TBL1Y: variants seen among roughly 807,000 people sequenced by gnomAD.
TBL1Y encodes the protein transducin beta like 1 Y-linked.
TBL1Y carries 15 observed loss-of-function variants against 12.0 expected under a neutral mutation model. The ratio of observed to expected loss-of-function variants is 1.25; its 90% CI spans 0.83 to 1.92. The LOEUF is 1.92. TBL1Y is among the 40% of genes most tolerant of loss of function. The pLI is 0.00. For synonymous variants in TBL1Y, 53 were observed against 42.6 expected, an observed-to-expected ratio of 1.24 and a Z score of -0.95; for missense variants, 148 against 116.7, an observed-to-expected ratio of 1.27 and a Z score of -1.24.
intron 2 of TBL1Y, among the ~76,000 whole-genome samples, chrY:6,948,106 A>G (rs2011996447): frequency 3.0e-5 from 1 of 33,589 alleles, no homozygotes; most frequent in Non-Finnish European, 7.3e-5. Flanking sequence ...TTCACTTACT[A>G]TGAATGCTAA....
chrY:6,991,373 A>G (rs773678308), intron 3 of TBL1Y, among the ~76,000 whole-genome samples: 1 of 33,157 alleles, frequency 3.0e-5, no homozygotes, highest in East Asian at 7.9e-4. Flanking sequence ...CAGTATTGTT[A>G]AGGATGGCCC....
At chrY:6,989,867 C>G in intron 3 of TBL1Y, among the ~76,000 whole-genome samples, 1 of 33,780 alleles carries the variant, frequency 3.0e-5, no homozygotes, top group Non-Finnish European at 7.3e-5. Flanking sequence ...ATGCTTTGGT[C>G]TAATAACTTT....
rs760197010 is a variant in TBL1Y, at chrY:7,033,898, G to A, written c.58+8756G>A. Among the ~76,000 whole-genome samples the A allele has an allele frequency of 7.5e-4, 25 of 33,366 alleles. No homozygotes were observed. In the East Asian group the frequency reaches 0.016, roughly 21 times the overall value. 89.5% of individuals were successfully genotyped at this position (33,366 alleles called of 37,273 possible). A position where few individuals can be genotyped will look rare whatever the true frequency, so the allele number is the denominator to read the frequency against. On this transcript the variant is annotated intron_variant, in intron 6 of 18. Transcript: ENST00000383032. ...CATACTGAATGGGCAAAAACTGGAAGCATTCCCTTTGAAAACCTGCAAGAG... is the reference window on the plus strand; with the variant it reads ...CATACTGAATGGGCAAAAACTGGAAACATTCCCTTTGAAAACCTGCAAGAG...
intron 2 of TBL1Y, among the ~76,000 whole-genome samples, chrY:6,956,844 A>T: frequency 3.0e-5 from 1 of 33,690 alleles, no homozygotes; most frequent in African/African-American, 1.2e-4. Context: ...ATATCAATGC[A>T]ATCTGATGCA....
chrY:6,949,276 TC>T (rs2012008286), intron 2 of TBL1Y, among the ~76,000 whole-genome samples: 1 of 33,565 alleles, frequency 3.0e-5, no homozygotes, highest in Non-Finnish European at 7.4e-5. Context: ...ATTAAATGGA[TC>T]CACTGCAGGA....
At chrY:7,070,099 T>C in intron 8 of TBL1Y, 97 bp from the exon 9 acceptor site, 1 of 252,259 alleles carries the variant, frequency 4.0e-6, no homozygotes, top group Non-Finnish European at 6.5e-6. Flanking sequence ...TGTTACTTAG[T>C]ACGTAAAAAC....
At chrY:7,071,405 T>C (rs113340128) in intron 10 of TBL1Y, among the ~76,000 whole-genome samples, 155 bp from the exon 11 acceptor site, 7 of 33,181 alleles carry the variant, frequency 2.1e-4, no homozygotes, top group Non-Finnish European at 3.7e-4. Flanking sequence ...TGCCGCATAT[T>C]TGATTTAAGA....
intron 3 of TBL1Y, among the ~76,000 whole-genome samples, chrY:6,989,417 T>G (rs2012347929): frequency 3.0e-5 from 1 of 33,202 alleles, no homozygotes; most frequent in Non-Finnish European, 7.4e-5. Context: ...CTTCTCAAAG[T>G]GGGTGACTTT....
At chrY:7,090,301 G>T (rs2013169772) in intron 18 of TBL1Y, 111 bp downstream of exon 18, 1 of 182,309 alleles carries the variant, frequency 5.5e-6, no homozygotes, top group Admixed American at 9.7e-5. Flanking sequence ...TAAGTGAGGG[G>T]CATGTGTGTT....
intron 4 of TBL1Y, among the ~76,000 whole-genome samples, chrY:7,001,427 G>C: frequency 3.0e-5 from 1 of 32,871 alleles, no homozygotes; most frequent in Non-Finnish European, 7.5e-5. Context: ...AGACCATACT[G>C]AGTAATACGG....
intron 3 of TBL1Y, among the ~76,000 whole-genome samples, chrY:6,984,784 A>G: frequency 8.8e-5 from 3 of 33,990 alleles, no homozygotes; most frequent in African/African-American, 3.5e-4. Flanking sequence ...AAGGACCCAC[A>G]TATTTTGCTG....
intron 6 of TBL1Y, among the ~76,000 whole-genome samples, chrY:7,029,072 C>T (rs922357378): frequency 3.0e-5 from 1 of 32,816 alleles, no homozygotes; most frequent in African/African-American, 1.2e-4. Flanking sequence ...GACTTCATCA[C>T]CCAAAGTCCA....
intron 2 of TBL1Y, among the ~76,000 whole-genome samples, chrY:6,952,701 G>C: frequency 3.0e-5 from 1 of 33,233 alleles, no homozygotes; most frequent in Admixed American, 2.7e-4. Flanking sequence ...TGTTGTATGT[G>C]AATTTGATCC....
intron 3 of TBL1Y, among the ~76,000 whole-genome samples, chrY:6,982,079 T>C (rs2012287296): frequency 3.0e-5 from 1 of 33,395 alleles, no homozygotes; most frequent in African/African-American, 1.2e-4. Context: ...AAAACAAAAG[T>C]CCTTACTGTA....
At chrY:6,912,401 A>AT (rs2011702082) in intron 2 of TBL1Y, among the ~76,000 whole-genome samples, 1 of 33,368 alleles carries the variant, frequency 3.0e-5, no homozygotes, top group African/African-American at 1.2e-4. Flanking sequence ...CCTTAAGGCG[A>AT]TTGCAGGCCT....
chrY:7,071,887 CT>C, intron 12 of TBL1Y, 57 bp downstream of exon 12: 3 of 281,672 alleles, frequency 1.1e-5, no homozygotes, highest in Non-Finnish European at 1.6e-5. Flanking sequence ...TACTATTTTT[CT>C]TTTTCTGTTT....
chrY:6,960,805 T>G (rs913081078), intron 2 of TBL1Y, among the ~76,000 whole-genome samples: 2 of 33,537 alleles, frequency 6.0e-5, no homozygotes, highest in African/African-American at 2.3e-4. Context: ...AGATTTTCCC[T>G]TAGGCCTAAA....
At chrY:6,943,013 T>A in intron 2 of TBL1Y, among the ~76,000 whole-genome samples, 1 of 32,449 alleles carries the variant, frequency 3.1e-5, no homozygotes, top group African/African-American at 1.2e-4. Context: ...ATTCAAGAGA[T>A]AAGATAAAGA....
chrY:7,065,088 G>A (rs2012970188), intron 8 of TBL1Y, among the ~76,000 whole-genome samples: 1 of 32,969 alleles, frequency 3.0e-5, no homozygotes, highest in Non-Finnish European at 7.4e-5. Context: ...TGAGAAAATG[G>A]CTGAAGTTGT....
Sources: allele counts gnomAD v4.1 joint callset (sites outside exome capture counted in the v4.1 genomes callset), GRCh38; gene constraint gnomAD v4.1.1; transcripts MANE v1.5; gene names NCBI Gene and HGNC (gene_info 2026-07-23, HGNC 2026-07-21).